Variants in HIVEP3 observed in about 807,000 individuals in gnomAD.
HIVEP3 encodes the protein HIVEP zinc finger 3, also known as transcription factor HIVEP3.
A neutral mutation model predicts 152.8 loss-of-function variants in HIVEP3; 49 were observed. That is an observed-to-expected ratio of 0.32 (90% CI 0.26 to 0.41). The LOEUF (loss-of-function observed/expected upper bound fraction) is 0.41, where lower values mean the gene tolerates loss of function less well. HIVEP3 is among the 10% of genes least tolerant of loss of function. The pLI is 1.00. For missense variants in HIVEP3, 2,790 were observed against 3,103.3 expected, an observed-to-expected ratio of 0.90 and a Z score of 2.40; for synonymous variants, 1,269 against 1,289.0, an observed-to-expected ratio of 0.98 and a Z score of 0.33.
chr1:41,770,648 T>C (rs1328959390), intron 1 of HIVEP3, among the ~76,000 whole-genome samples: 1 of 152,166 alleles, frequency 6.6e-6, no homozygotes, highest in East Asian at 1.9e-4. Context: ...TAAGAAAACA[T>C]TACGCAAACC....
intron 2 of HIVEP3, among the ~76,000 whole-genome samples, chr1:41,667,505 C>A (rs974726602): frequency 3.9e-5 from 6 of 152,246 alleles, no homozygotes; most frequent in Non-Finnish European, 8.8e-5. Context: ...GAAGATTAGT[C>A]AAGCCACACT....
Position 41,723,864 on chromosome 1 carries a change from A to C in HIVEP3, c.-800-22869T>G, listed in dbSNP as rs1308256134. On this transcript the variant is annotated intron_variant, in intron 1 of 8. Coordinates refer to ENST00000372583, the MANE Select transcript of HIVEP3 (RefSeq NM_024503.5). Reference sequence around the variant, plus strand: ...CACTTTCATAGGTTTCTTCTGGTCAAGGCTGGAAAGCAATCTGATTAACTA... The same window carrying C: ...CACTTTCATAGGTTTCTTCTGGTCACGGCTGGAAAGCAATCTGATTAACTA... Among the ~76,000 whole-genome samples, 3 of 152,314 alleles carry C rather than the reference A, an allele frequency of 2.0e-5. No homozygotes were observed. In the East Asian group the frequency reaches 5.8e-4, roughly 29 times the overall value.
rs1558047626 is a variant in HIVEP3, at chr1:41,545,046, A to ATCACCG, written c.5208-20137_5208-20136insCGGTGA. Among the ~76,000 whole-genome samples, 47 of 97,576 alleles carry ATCACCG rather than the reference A, an allele frequency of 4.8e-4. 1 individual carries two copies. Among genetic ancestry groups the ATCACCG allele is most frequent in the Non-Finnish European group, 8.4e-4 (33 of 39,246 alleles). 64.0% of individuals were successfully genotyped at this position (97,576 alleles called of 152,430 possible). A position where few individuals can be genotyped will look rare whatever the true frequency, so the allele number is the denominator to read the frequency against. On this transcript the variant is annotated intron_variant, in intron 5 of 8. Coordinates refer to ENST00000372583, the MANE Select transcript of HIVEP3 (RefSeq NM_024503.5). Reference sequence around the variant, plus strand: ...CACCACCACCACCACCAATACCACTACCACCACCATCACTACCACCACCAC... The same window carrying ATCACCG: ...CACCACCACCACCACCAATACCACTATCACCGCCACCACCATCACTACCACCACCAC...
chr1:41,782,681 G>A (rs1476906407), intron 1 of HIVEP3, among the ~76,000 whole-genome samples: 2 of 146,666 alleles, frequency 1.4e-5, no homozygotes, highest in Non-Finnish European at 3.0e-5. Flanking sequence ...GCAGTGAGCT[G>A]AGACCAAGCC....
intron 1 of HIVEP3, among the ~76,000 whole-genome samples, chr1:41,875,656 T>C (rs915306856): frequency 1.3e-5 from 2 of 152,262 alleles, no homozygotes; most frequent in East Asian, 3.9e-4. Context: ...GGGGCCTCCT[T>C]TCCCTTACTC....
At chr1:41,777,535 TTA>T (rs1360258322) in intron 1 of HIVEP3, among the ~76,000 whole-genome samples, 1 of 152,188 alleles carries the variant, frequency 6.6e-6, no homozygotes, top group Non-Finnish European at 1.5e-5. Context: ...TATTTAACTA[TTA>T]TATAGCCTAA....
chr1:41,667,653 T>C (rs1645815683), intron 2 of HIVEP3, among the ~76,000 whole-genome samples: 1 of 152,206 alleles, frequency 6.6e-6, no homozygotes, highest in Non-Finnish European at 1.5e-5. Context: ...TTCCACAGCT[T>C]GGATTAAGAT....
intron 2 of HIVEP3, among the ~76,000 whole-genome samples, chr1:41,669,772 C>T (rs1645846843): frequency 6.6e-6 from 1 of 152,352 alleles, no homozygotes; most frequent in Non-Finnish European, 1.5e-5. Context: ...GGATCTCCAG[C>T]TTGCTGACAG....
At chr1:41,851,618 A>G (rs1238127396) in intron 1 of HIVEP3, among the ~76,000 whole-genome samples, 2 of 152,114 alleles carry the variant, frequency 1.3e-5, no homozygotes, top group Non-Finnish European at 2.9e-5. Context: ...CCTTCTTTCA[A>G]CGTGGTTTCC....
intron 1 of HIVEP3, among the ~76,000 whole-genome samples, chr1:41,821,597 A>G (rs1642603610): frequency 6.6e-6 from 1 of 152,152 alleles, no homozygotes; most frequent in Non-Finnish European, 1.5e-5. Flanking sequence ...CCACAATCCA[A>G]AAGTCCTCCT....
At chr1:42,021,480 G>C (rs549855973) in intron 1 of HIVEP3, among the ~76,000 whole-genome samples, 4 of 152,182 alleles carry the variant, frequency 2.6e-5, no homozygotes, top group Admixed American at 2.0e-4. Flanking sequence ...GGTAAGGGGG[G>C]GTTGGGAGTC....
chr1:41,949,536 A>G (rs563453734), intron 1 of HIVEP3, among the ~76,000 whole-genome samples: 1 of 152,194 alleles, frequency 6.6e-6, no homozygotes, highest in Non-Finnish European at 1.5e-5. Context: ...TATGTTAATC[A>G]ATCCAGAATC....
chr1:41,843,309 C>T (rs1643343498), intron 1 of HIVEP3, among the ~76,000 whole-genome samples: 1 of 152,162 alleles, frequency 6.6e-6, no homozygotes, highest in African/African-American at 2.4e-5. Context: ...AAGGACATCA[C>T]ACGAAATGTA....
intron 1 of HIVEP3, among the ~76,000 whole-genome samples, chr1:41,975,819 G>T (rs755064571): frequency 3.6e-4 from 55 of 152,194 alleles, no homozygotes; most frequent in Non-Finnish European, 7.2e-4. Flanking sequence ...AGCACATAAA[G>T]AGAGTCTGTG....
chr1:41,753,409 C>T (rs925195631), intron 1 of HIVEP3, among the ~76,000 whole-genome samples: 1 of 152,078 alleles, frequency 6.6e-6, no homozygotes, highest in Non-Finnish European at 1.5e-5. Flanking sequence ...GCCTGTAATC[C>T]CAGCACTTTG....
chr1:41,606,774 C>T (rs544282715), intron 3 of HIVEP3, among the ~76,000 whole-genome samples: 75 of 151,846 alleles, frequency 4.9e-4, no homozygotes, highest in Middle Eastern at 3.4e-3. Context: ...AGTTTATCCT[C>T]CAGAATTGTG....
intron 5 of HIVEP3, among the ~76,000 whole-genome samples, chr1:41,560,679 G>A (rs1644046421): frequency 6.6e-6 from 1 of 152,190 alleles, no homozygotes; most frequent in African/African-American, 2.4e-5. Context: ...TGCTGGGTTG[G>A]GTCTCCTTTC....
intron 1 of HIVEP3, among the ~76,000 whole-genome samples, chr1:41,856,455 T>C (rs754166006): frequency 3.9e-5 from 6 of 152,146 alleles, no homozygotes; most frequent in Non-Finnish European, 8.8e-5. Flanking sequence ...GAGAAAAGCC[T>C]ATGGCCCTGT....
chr1:41,862,918 A>G (rs1476465267), intron 1 of HIVEP3, among the ~76,000 whole-genome samples: 2 of 152,224 alleles, frequency 1.3e-5, no homozygotes, highest in Non-Finnish European at 2.9e-5. Context: ...CCCCAAGTGC[A>G]GTGGCTCACA....
Sources: allele counts gnomAD v4.1 joint callset (sites outside exome capture counted in the v4.1 genomes callset), GRCh38; gene constraint gnomAD v4.1.1; transcripts MANE v1.5; gene names NCBI Gene and HGNC (gene_info 2026-07-23, HGNC 2026-07-21).